SLC7A14: variants seen among roughly 807,000 people sequenced by gnomAD.
SLC7A14 encodes solute carrier family 7 member 14, also known as gamma-aminobutyric acid transporter SLC7A14.
SLC7A14 carries 37 observed loss-of-function variants against 60.2 expected under a neutral mutation model. That is an observed-to-expected ratio of 0.61 (90% confidence interval 0.47 to 0.81). The LOEUF (loss-of-function observed/expected upper bound fraction) is 0.81, where lower values mean the gene tolerates loss of function less well. Ranked by LOEUF, SLC7A14 falls within the 30% of genes least tolerant of loss-of-function variation. SLC7A14 has a pLI of 0.00. For missense variants in SLC7A14, 886 were observed against 982.7 expected (o/e 0.90, Z 1.32); for synonymous variants, 399 against 395.8 (o/e 1.01, Z -0.10).
intron 2 of SLC7A14, among the ~76,000 whole-genome samples, chr3:170,526,329 G>A (rs1442714277): frequency 6.6e-6 from 1 of 151,652 alleles, no homozygotes; most frequent in Non-Finnish European, 1.5e-5. Context: ...TTGAACCAAG[G>A]AGGTGGAGGT....
chr3:170,481,582 A>G (rs1711825382), intron 6 of SLC7A14, among the ~76,000 whole-genome samples: 1 of 151,912 alleles, frequency 6.6e-6, no homozygotes, highest in South Asian at 2.1e-4. Context: ...TTGTATTTTT[A>G]GTAGAGACAG....
intron 2 of SLC7A14, among the ~76,000 whole-genome samples, chr3:170,505,243 T>A (rs1004561935): frequency 2.0e-5 from 3 of 152,166 alleles, no homozygotes; most frequent in Admixed American, 6.5e-5. Flanking sequence ...AACAACAATG[T>A]TATTCATGGA....
rs978393586 is a variant in SLC7A14, at chr3:170,480,988, G to C, written c.1294C>G (p.Gln432Glu). The C allele has an allele frequency of 3.7e-6, 6 of 1,613,950 alleles. No individual in the cohort carries two copies. The African/African-American group carries it at 5.3e-5, about 14-fold the overall frequency. Residue 432 changes from glutamine (Q) to glutamate (E), a missense_variant, in exon 7 of 8, where the codon CAA becomes GAA. Physicochemically the swap from Gln to Glu is conservative, Grantham distance 29 (BLOSUM62 2). Transcript: ENST00000231706. The part of the protein sequence containing the change: ...VSVCVLLLRY[Q>E]PESDIDGFVK... ...AAACCATCAATGTCACTCTCAGGTT[G>C]GTATCGAAGGAGCAAGACACAGACA...
At position 170,564,131 on chromosome 3, in the gene SLC7A14, A is replaced by G. The variant is rs142797407; in HGVS notation, c.-153+21780T>C. On this transcript the variant is annotated intron_variant, in intron 1 of 7. Coordinates refer to ENST00000231706, the MANE Select transcript of SLC7A14 (RefSeq NM_020949.3). ...GATCCTCTCTCCAGTGTCGTCAGAGAGTGTCATGGAGTGGCGGGGTAATAA... is the reference window on the plus strand; with the variant it reads ...GATCCTCTCTCCAGTGTCGTCAGAGGGTGTCATGGAGTGGCGGGGTAATAA... Among the ~76,000 whole-genome samples the G allele has an allele frequency of 7.9e-5, 12 of 152,304 alleles. No homozygotes were observed. The East Asian group carries it at 2.3e-3, about 29-fold the overall frequency.
At chr3:170,508,452 A>T (rs1221825039) in intron 2 of SLC7A14, among the ~76,000 whole-genome samples, 13 of 152,170 alleles carry the variant, frequency 8.5e-5, no homozygotes, top group Admixed American at 8.5e-4. Context: ...ACTGTGTCTT[A>T]TACTTCACAC....
chr3:170,502,803 C>A (rs561210661), intron 2 of SLC7A14: 1 of 152,222 alleles, frequency 6.6e-6, no homozygotes, highest in Admixed American at 6.5e-5. Context: ...TCTCTTCTTT[C>A]CCCTCAGCTG....
chr3:170,580,069 C>A (rs996015357), intron 1 of SLC7A14, among the ~76,000 whole-genome samples: 3 of 152,084 alleles, frequency 2.0e-5, no homozygotes, highest in Non-Finnish European at 4.4e-5. Flanking sequence ...AAGGAAAATG[C>A]CATAGGGAAT....
rs566810326 is a variant in SLC7A14 at position 170,580,294 on chromosome 3, C to G, written c.-153+5617G>C. Among the ~76,000 whole-genome samples the G allele has an allele frequency of 2.0e-5, 3 of 152,320 alleles. No individual in the cohort carries two copies. In the South Asian group the frequency reaches 6.2e-4, roughly 32 times the overall value. On this transcript the variant is annotated intron_variant, in intron 1 of 7. Transcript: ENST00000231706. ...GTTTCAAAGCTACATTGTCAGTTCTCTTTATCTCTTGGGATCTACAATTAG... is the reference window on the plus strand; with the variant it reads ...GTTTCAAAGCTACATTGTCAGTTCTGTTTATCTCTTGGGATCTACAATTAG...
Position 170,465,733 on chromosome 3 carries a change from G to A in SLC7A14, c.*1322C>T, listed in dbSNP as rs551711109. 3 of 152,272 alleles carry A rather than the reference G, an allele frequency of 2.0e-5. No homozygotes were observed. Among genetic ancestry groups the A allele is most frequent in the Non-Finnish European group, 2.9e-5 (2 of 68,018 alleles). 9.4% of individuals were successfully genotyped at this position (152,272 alleles called of 1,614,324 possible). A position where few individuals can be genotyped will look rare whatever the true frequency, so the allele number is the denominator to read the frequency against. On this transcript the variant is annotated 3_prime_UTR_variant, in exon 8 of 8. Transcript: ENST00000231706. The stretch of plus-strand genomic sequence containing the variant: ...ATTGTGCCTTCACATACATTTGTAC[G>A]TATCTCAGTGCAGCCACAGGAATTC...
At chr3:170,499,877 A>C (rs994275569) in intron 3 of SLC7A14, among the ~76,000 whole-genome samples, 6 of 152,188 alleles carry the variant, frequency 3.9e-5, no homozygotes, top group African/African-American at 1.4e-4. Flanking sequence ...CCTCATTTGT[A>C]AAGTGAAGGA....
chr3:170,562,495 G>A (rs1304974874), intron 1 of SLC7A14, among the ~76,000 whole-genome samples: 2 of 152,066 alleles, frequency 1.3e-5, no homozygotes, highest in Admixed American at 1.3e-4. Context: ...CAGTGGGGAG[G>A]GTGGGAAGGG....
chr3:170,475,202 GA>G (rs1368983624), intron 7 of SLC7A14, among the ~76,000 whole-genome samples: 10 of 152,174 alleles, frequency 6.6e-5, no homozygotes, highest in African/African-American at 2.4e-4. Flanking sequence ...TTTACTCTCT[GA>G]GTTGTGTTCT....
intron 6 of SLC7A14, among the ~76,000 whole-genome samples, chr3:170,482,063 G>A (rs1342940679): frequency 6.6e-6 from 1 of 152,174 alleles, no homozygotes; most frequent in Non-Finnish European, 1.5e-5. Context: ...CATGGGTTTA[G>A]TTGGCAAAAT....
chr3:170,536,668 G>A (rs1231838807), intron 1 of SLC7A14, among the ~76,000 whole-genome samples: 1 of 152,218 alleles, frequency 6.6e-6, no homozygotes, highest in Non-Finnish European at 1.5e-5. Context: ...GACAAGCTAT[G>A]GGTGAGACTT....
At position 170,481,088 on chromosome 3, in the gene SLC7A14, G is replaced by C; in HGVS notation, c.1194C>G (p.Leu398=). 1.2e-6 allele frequency: 2 copies of C among 1,614,116 alleles called. No individual in the cohort carries two copies. Among genetic ancestry groups the C allele is most frequent in the Non-Finnish European group, 1.7e-6 (2 of 1,180,034 alleles). Residue 398 remains leucine, a synonymous_variant, in exon 7 of 8, where the codon CTC becomes CTG. Transcript: ENST00000231706. ...GGTCTCTCAAGCTGACCAACAGTGC[G>C]AGGAGCGCTGCCAGGAACCCCGACA... ...CIVSGFLAAL[L]ALLVSLRDLI... is the part of the protein sequence containing the mutation.
At chr3:170,547,838 A>G (rs1272060271) in intron 1 of SLC7A14, among the ~76,000 whole-genome samples, 2 of 152,250 alleles carry the variant, frequency 1.3e-5, no homozygotes, top group Non-Finnish European at 2.9e-5. Context: ...TTTTATGTAC[A>G]ACGATGGTTT....
In SLC7A14 at chr3:170,481,027, A is replaced by G; in HGVS notation, c.1255T>C (p.Tyr419His). Reference sequence around the variant, plus strand: ...AAGACACAGACAGAGACCAAGGTGTAGGCCAGGAGCGTGCCGATAGACATC... The same window carrying G: ...AAGACACAGACAGAGACCAAGGTGTGGGCCAGGAGCGTGCCGATAGACATC... ...EMMSIGTLLA[Y>H]TLVSVCVLLL... Residue 419 changes from tyrosine (Y) to histidine (H), a missense_variant, in exon 7 of 8, where the codon TAC becomes CAC. Transcript: ENST00000231706. 3 of 1,614,144 alleles carry G rather than the reference A, an allele frequency of 1.9e-6. No homozygotes were observed. Among genetic ancestry groups the G allele is most frequent in the Non-Finnish European group, 2.5e-6 (3 of 1,180,024 alleles).
chr3:170,538,266 G>A (rs922968334), intron 1 of SLC7A14, among the ~76,000 whole-genome samples: 4 of 152,176 alleles, frequency 2.6e-5, no homozygotes, highest in African/African-American at 9.7e-5. Flanking sequence ...TGGGTTTGGA[G>A]CTTATATCTG....
chr3:170,536,830 G>A (rs1352452295), intron 1 of SLC7A14, among the ~76,000 whole-genome samples: 3 of 152,170 alleles, frequency 2.0e-5, no homozygotes, highest in Non-Finnish European at 4.4e-5. Flanking sequence ...CATCCCAAAT[G>A]TGATTGTAGA....
Sources: allele counts gnomAD v4.1 joint callset (sites outside exome capture counted in the v4.1 genomes callset), GRCh38; gene constraint gnomAD v4.1.1; transcripts MANE v1.5; gene names NCBI Gene and HGNC (gene_info 2026-07-23, HGNC 2026-07-21).